KCNQ5: variants seen among roughly 807,000 people sequenced by gnomAD.
The protein encoded by KCNQ5 is potassium voltage-gated channel subfamily Q member 5.
Under a neutral mutation model 98.2 loss-of-function variants are expected in KCNQ5, and 30 were observed. That is an observed-to-expected ratio of 0.31 (90% confidence interval 0.23 to 0.41). KCNQ5 has a LOEUF of 0.41. KCNQ5 is among the 10% of genes least tolerant of loss of function. The probability of loss-of-function intolerance (pLI) is 1.00; values close to 1 mark genes in which losing one functional copy is unlikely to be tolerated. For missense variants in KCNQ5, 835 were observed against 1,182.5 expected (o/e 0.71, Z 4.31); for synonymous variants, 458 against 449.4 (o/e 1.02, Z -0.24).
chr6:72,622,112 G>C lies in KCNQ5; in HGVS notation c.-78G>C, dbSNP rs2098915434. On this transcript the variant is annotated 5_prime_UTR_variant, in exon 1 of 14. Transcript: ENST00000370398. The surrounding 1 kb of genome is among the most constrained non-coding windows in gnomAD (Gnocchi z 6.0). ...CCCGTCGGCCGCCGGCTTCCTCCTTGAAACCCGCCGGCGCACATGAGGCCG... is the reference window on the plus strand; with the variant it reads ...CCCGTCGGCCGCCGGCTTCCTCCTTCAAACCCGCCGGCGCACATGAGGCCG... The C allele has an allele frequency of 1.7e-6, 2 of 1,184,518 alleles. No homozygotes were observed. Among genetic ancestry groups the C allele is most frequent in the Admixed American group, 4.4e-5 (1 of 22,766 alleles). 73.4% of individuals were successfully genotyped at this position (1,184,518 alleles called of 1,614,324 possible).
chr6:72,986,507 C>T (rs1029342859), intron 1 of KCNQ5: 50 of 545,752 alleles, frequency 9.2e-5, no homozygotes, highest in Non-Finnish European at 1.4e-4. Context: ...CCACATCCCC[C>T]TCTAAGAGTG....
chr6:72,652,755 C>T (rs1034702814), intron 1 of KCNQ5, among the ~76,000 whole-genome samples: 5 of 151,982 alleles, frequency 3.3e-5, no homozygotes, highest in Non-Finnish European at 7.4e-5. Flanking sequence ...AGGAGAGGCA[C>T]TGTGCTAGTG....
At chr6:73,057,525 C>T (rs1772576092) in intron 3 of KCNQ5, among the ~76,000 whole-genome samples, 1 of 151,816 alleles carries the variant, frequency 6.6e-6, no homozygotes, top group Non-Finnish European at 1.5e-5. Flanking sequence ...GAATAAAATA[C>T]ATAGAAATAC....
chr6:72,736,898 G>A (rs1270133168), intron 1 of KCNQ5, among the ~76,000 whole-genome samples: 3 of 152,178 alleles, frequency 2.0e-5, no homozygotes, highest in Non-Finnish European at 4.4e-5. Flanking sequence ...TGATGTGACA[G>A]TAAACATATT....
chr6:73,173,790 GA>G (rs909439971), intron 11 of KCNQ5, among the ~76,000 whole-genome samples: 85 of 145,564 alleles, frequency 5.8e-4, no homozygotes, highest in Middle Eastern at 3.6e-3. Context: ...TCTCTAAAGG[GA>G]AAAAAAAAAA....
At chr6:72,982,711 C>T (rs1445504761) in intron 1 of KCNQ5, among the ~76,000 whole-genome samples, 2 of 152,064 alleles carry the variant, frequency 1.3e-5, no homozygotes, top group Non-Finnish European at 2.9e-5. Context: ...TTTGATCTGT[C>T]ATTATGATGT....
chr6:72,859,144 A>G (rs1385426255), intron 1 of KCNQ5, among the ~76,000 whole-genome samples: 1 of 152,192 alleles, frequency 6.6e-6, no homozygotes, highest in African/African-American at 2.4e-5. Flanking sequence ...AAAAACTCCA[A>G]GGCTCTCTGA....
At chr6:72,718,194 G>A (rs909334200) in intron 1 of KCNQ5, among the ~76,000 whole-genome samples, 1 of 152,144 alleles carries the variant, frequency 6.6e-6, no homozygotes, top group Non-Finnish European at 1.5e-5. Context: ...TTGGCAGTCA[G>A]TATTTACTGA....
At chr6:72,686,153 C>T (rs1381157923) in intron 1 of KCNQ5, among the ~76,000 whole-genome samples, 1 of 152,194 alleles carries the variant, frequency 6.6e-6, no homozygotes, top group East Asian at 1.9e-4. Context: ...ATTAGAGCTT[C>T]AACATATGAA....
intron 1 of KCNQ5, among the ~76,000 whole-genome samples, chr6:72,939,186 G>T (rs1433647791): frequency 6.6e-6 from 1 of 152,126 alleles, no homozygotes; most frequent in African/African-American, 2.4e-5. Flanking sequence ...AGGAGCGTCT[G>T]TGCCCTGGCA....
chr6:72,948,594 A>G (rs1016412939), intron 1 of KCNQ5, among the ~76,000 whole-genome samples: 3 of 152,150 alleles, frequency 2.0e-5, no homozygotes, highest in African/African-American at 4.8e-5. Context: ...GTATTTTTCT[A>G]TACTTAAACC....
chr6:72,631,950 C>T (rs35613401), intron 1 of KCNQ5, among the ~76,000 whole-genome samples: 3 of 152,096 alleles, frequency 2.0e-5, no homozygotes, highest in Non-Finnish European at 4.4e-5. Context: ...TTATCATCTT[C>T]CTTTCAGCAA....
chr6:73,079,688 G>A (rs568614134), intron 5 of KCNQ5, among the ~76,000 whole-genome samples: 8 of 152,234 alleles, frequency 5.3e-5, no homozygotes, highest in African/African-American at 9.6e-5. Context: ...TGTGGTTTCC[G>A]GCTGCTCTTC....
intron 1 of KCNQ5, among the ~76,000 whole-genome samples, chr6:72,670,989 C>T (rs931455462): frequency 2.0e-5 from 3 of 152,180 alleles, no homozygotes; most frequent in Non-Finnish European, 4.4e-5. Flanking sequence ...ACAATTCAGG[C>T]AAGTTCTTTG....
At chr6:72,739,734 C>G (rs1771032542) in intron 1 of KCNQ5, among the ~76,000 whole-genome samples, 1 of 152,204 alleles carries the variant, frequency 6.6e-6, no homozygotes, top group South Asian at 2.1e-4. Flanking sequence ...GACTGAGGAA[C>G]TGTTAATTCC....
intron 5 of KCNQ5, among the ~76,000 whole-genome samples, chr6:73,078,306 A>G (rs1294545187): frequency 2.6e-5 from 4 of 152,078 alleles, no homozygotes; most frequent in Non-Finnish European, 1.5e-5. Context: ...ATAAAATTGC[A>G]GCACAAAGAA....
intron 1 of KCNQ5, among the ~76,000 whole-genome samples, chr6:72,735,441 G>A (rs1770777130): frequency 6.6e-6 from 1 of 151,996 alleles, no homozygotes; most frequent in African/African-American, 2.4e-5. Context: ...AGCTTCCAAT[G>A]TTTCTCTTAA....
intron 3 of KCNQ5, among the ~76,000 whole-genome samples, chr6:73,048,144 A>G (rs1772054054): frequency 6.6e-6 from 1 of 152,246 alleles, no homozygotes; most frequent in South Asian, 2.1e-4. Context: ...AGATAATGTC[A>G]TCTACAGATA....
intron 1 of KCNQ5, among the ~76,000 whole-genome samples, chr6:72,869,619 T>C (rs1778126559): frequency 6.6e-6 from 1 of 152,230 alleles, no homozygotes; most frequent in Non-Finnish European, 1.5e-5. Flanking sequence ...GCCTTTTTGA[T>C]ATTCAGTCAC....
Sources: allele counts gnomAD v4.1 joint callset (sites outside exome capture counted in the v4.1 genomes callset), GRCh38; gene constraint gnomAD v4.1.1; non-coding constraint Gnocchi (gnomAD v3.1); transcripts MANE v1.5; gene names NCBI Gene and HGNC (gene_info 2026-07-23, HGNC 2026-07-21).